The following EXTL3 variants were observed in gnomAD, a reference collection of about 807,000 sequenced individuals.
EXTL3 encodes the protein exostosin like glycosyltransferase 3.
A neutral mutation model predicts 69.3 loss-of-function variants in EXTL3; 27 were observed. The ratio of observed to expected loss-of-function variants is 0.39; its 90% CI spans 0.29 to 0.54. The LOEUF (loss-of-function observed/expected upper bound fraction) is 0.54. EXTL3 is among the 20% of genes least tolerant of loss of function. The pLI is 0.69. For synonymous variants in EXTL3, 511 were observed against 499.4 expected, an observed-to-expected ratio of 1.02 and a Z score of -0.31; for missense variants, 1,003 against 1,231.8, an observed-to-expected ratio of 0.81 and a Z score of 2.78.
At chr8:28,676,908 A>C (rs578213036) in intron 1 of EXTL3, among the ~76,000 whole-genome samples, 1 of 152,108 alleles carries the variant, frequency 6.6e-6, no homozygotes, top group Non-Finnish European at 1.5e-5. Flanking sequence ...TGAGAACTGC[A>C]TTTCAAATCT....
intron 2 of EXTL3, among the ~76,000 whole-genome samples, chr8:28,610,339 C>T (rs1457428618): frequency 6.6e-6 from 1 of 152,046 alleles, no homozygotes; most frequent in East Asian, 1.9e-4. Flanking sequence ...GCAATTTCCT[C>T]ATCTCTTTGT....
At chr8:28,671,310 T>TG (rs1491102848) in intron 1 of EXTL3, among the ~76,000 whole-genome samples, 1 of 95,960 alleles carries the variant, frequency 1.0e-5, no homozygotes, top group African/African-American at 7.1e-5. Flanking sequence ...TTGTTTTTTG[T>TG]TTTTTTTTTT....
intron 1 of EXTL3, among the ~76,000 whole-genome samples, chr8:28,680,385 CAAAAAA>C (rs34805922): frequency 9.0e-6 from 1 of 110,878 alleles, no homozygotes. Flanking sequence ...GACTCTGTCT[CAAAAAA>C]AAAAAAAAAA....
upstream of EXTL3, chr8:28,698,393 C>T (rs1230613305): frequency 2.0e-5 from 3 of 152,168 alleles, no homozygotes; most frequent in Admixed American, 2.0e-4. Context: ...AGTCCCGTGT[C>T]CTTTGCTCCA....
At chr8:28,713,814 CT>C (rs1801080097) in intron 2 of EXTL3, among the ~76,000 whole-genome samples, 1 of 151,254 alleles carries the variant, frequency 6.6e-6, no homozygotes, top group Non-Finnish European at 1.5e-5. Flanking sequence ...GTCAGGTGTT[CT>C]TTGTAATGGA....
intron 1 of EXTL3, among the ~76,000 whole-genome samples, chr8:28,675,119 T>A (rs1258395789): frequency 6.6e-6 from 1 of 151,962 alleles, no homozygotes; most frequent in Non-Finnish European, 1.5e-5. Flanking sequence ...ATACTATGAG[T>A]GTGGGATAAT....
chr8:28,609,446 G>C (rs1319413639), intron 2 of EXTL3, among the ~76,000 whole-genome samples: 2 of 151,666 alleles, frequency 1.3e-5, no homozygotes, highest in South Asian at 2.1e-4. Flanking sequence ...AAAAAAAAAA[G>C]AAATCTAGGG....
intron 3 of EXTL3, among the ~76,000 whole-genome samples, chr8:28,722,443 G>A (rs1353761257): frequency 1.3e-5 from 2 of 152,300 alleles, no homozygotes; most frequent in East Asian, 3.9e-4. Context: ...AGGTCTCTGT[G>A]GAAGTGATGA....
At chr8:28,647,505 G>A (rs918894388) in intron 1 of EXTL3, among the ~76,000 whole-genome samples, 9 of 152,096 alleles carry the variant, frequency 5.9e-5, no homozygotes, top group African/African-American at 1.9e-4. Flanking sequence ...GTCATCTGAC[G>A]GTATGGCAGC....
Position 28,716,783 on chromosome 8 carries a change from G to T in EXTL3, c.724G>T (p.Val242Leu), listed in dbSNP as rs1007303315. The T allele has an allele frequency of 1.2e-5, 20 of 1,614,176 alleles. No homozygotes were observed. Among genetic ancestry groups the T allele is most frequent in the Non-Finnish European group, 1.7e-5 (20 of 1,180,066 alleles). ...CATCGCCTGCCTTTACGTGATACTA[G>T]TGGGAGAGATGCAGGAGCCGGTGGT... ...ADIACLYVIL[V>L]GEMQEPVVLR... Residue 242 changes from valine to leucine, a missense_variant, in exon 3 of 7, where the codon GTG becomes TTG. Val to Leu is a conservative substitution (Grantham distance 32). Coordinates refer to ENST00000220562, the MANE Select transcript of EXTL3 (RefSeq NM_001440.4). The surrounding 1 kb of genome is among the most constrained non-coding windows in gnomAD (Gnocchi z 7.1).
chr8:28,645,290 C>G (rs1323799323), intron 1 of EXTL3, among the ~76,000 whole-genome samples: 1 of 152,218 alleles, frequency 6.6e-6, no homozygotes, highest in Non-Finnish European at 1.5e-5. Flanking sequence ...TTCTGGAAAT[C>G]TATCTTATGG....
chr8:28,713,847 T>C (rs1934445362), intron 2 of EXTL3, among the ~76,000 whole-genome samples: 1 of 152,020 alleles, frequency 6.6e-6, no homozygotes, highest in African/African-American at 2.4e-5. Context: ...ACACCATCAT[T>C]TCCCTCCTCT....
rs1279108593 is a variant in EXTL3 at position 28,668,075 on chromosome 8, C to A, written c.-53+45265C>A. ...TCCAGGAGTTCAAGACCAGCCTGGG[C>A]AAGATGCTGAGACATTGTCTTTACA... On this transcript the variant is annotated intron_variant, in intron 1 of 6. Transcript: ENST00000523149. Among the ~76,000 whole-genome samples, 8 of 151,578 alleles carry A rather than the reference C, an allele frequency of 5.3e-5. 1 individual carries two copies. The highest frequency in any genetic ancestry group is 1.3e-4 in the Admixed American group (2 of 15,210).
chr8:28,728,516 TG>T (rs1801460785), intron 3 of EXTL3, among the ~76,000 whole-genome samples: 1 of 152,204 alleles, frequency 6.6e-6, no homozygotes, highest in Non-Finnish European at 1.5e-5. Context: ...TTAACTGTGG[TG>T]GCGAATCTGT....
chr8:28,631,393 A>C (rs1455441957), intron 1 of EXTL3: 2 of 152,192 alleles, frequency 1.3e-5, no homozygotes, highest in African/African-American at 4.8e-5. Flanking sequence ...TTACCTGGCG[A>C]TGAGTCATCA....
chr8:28,726,879 C>CTTTTTTTTTT (rs11458194), intron 3 of EXTL3, among the ~76,000 whole-genome samples: 84 of 99,918 alleles, frequency 8.4e-4, no homozygotes, highest in Non-Finnish European at 1.0e-3. Flanking sequence ...CTTTTCTTTT[C>CTTTTTTTTTT]TTTTTTTTTT....
At chr8:28,726,674 A>AGC (rs1262988129) in intron 3 of EXTL3, among the ~76,000 whole-genome samples, 4 of 152,076 alleles carry the variant, frequency 2.6e-5, no homozygotes, top group Non-Finnish European at 5.9e-5. Context: ...AGACGCAAGT[A>AGC]GCGCACCCTT....
chr8:28,615,620 T>G (rs894523761), intron 2 of EXTL3, among the ~76,000 whole-genome samples: 17 of 152,134 alleles, frequency 1.1e-4, no homozygotes, highest in African/African-American at 2.9e-4. Flanking sequence ...CAGGCTGGAG[T>G]GCAGTGGCTT....
intron 4 of EXTL3, among the ~76,000 whole-genome samples, chr8:28,732,303 A>G (rs1223005964): frequency 4.6e-5 from 7 of 152,196 alleles, no homozygotes; most frequent in Non-Finnish European, 1.0e-4. Flanking sequence ...AATTGAGGGT[A>G]AGCATTCAGA....
Sources: allele counts gnomAD v4.1 joint callset (sites outside exome capture counted in the v4.1 genomes callset), GRCh38; gene constraint gnomAD v4.1.1; non-coding constraint Gnocchi (gnomAD v3.1); transcripts MANE v1.5; gene names NCBI Gene and HGNC (gene_info 2026-07-23, HGNC 2026-07-21).